NFIB: variants seen among roughly 807,000 people sequenced by gnomAD.
NFIB encodes the protein nuclear factor I B.
Under a neutral mutation model 61.5 loss-of-function variants are expected in NFIB, and 11 were observed. The observed-to-expected ratio is 0.18, with a 90% CI of 0.11 to 0.30. The LOEUF (loss-of-function observed/expected upper bound fraction) is 0.30. Ranked by LOEUF, NFIB falls within the 10% of genes least tolerant of loss-of-function variation. The pLI is 1.00. For missense variants in NFIB, 471 were observed against 608.9 expected, an observed-to-expected ratio of 0.77 and a Z score of 2.38; for synonymous variants, 260 against 216.5, an observed-to-expected ratio of 1.20 and a Z score of -1.76.
At chr9:14,262,082 ACT>A (rs2056811501) in intron 2 of NFIB, among the ~76,000 whole-genome samples, 9 of 151,424 alleles carry the variant, frequency 5.9e-5, no homozygotes, top group Non-Finnish European at 1.0e-4. Flanking sequence ...GTCACTTTTC[ACT>A]TATCTACACA....
intron 2 of NFIB, among the ~76,000 whole-genome samples, chr9:14,242,140 T>C (rs959201126): frequency 6.6e-6 from 1 of 152,214 alleles, no homozygotes; most frequent in Non-Finnish European, 1.5e-5. Flanking sequence ...AGTTTTAAGA[T>C]TCTCTGTAAA....
intron 1 of NFIB, among the ~76,000 whole-genome samples, chr9:14,372,974 C>T (rs1475665015): frequency 4.0e-5 from 6 of 150,408 alleles, no homozygotes; most frequent in Non-Finnish European, 8.8e-5. Flanking sequence ...ATCCCTTATA[C>T]AGGGAACGGT....
intron 1 of NFIB, among the ~76,000 whole-genome samples, chr9:14,345,458 G>A (rs1056583701): frequency 6.6e-6 from 1 of 152,062 alleles, no homozygotes; most frequent in Non-Finnish European, 1.5e-5. Context: ...CTAGGGTACC[G>A]GAGCTTAAAA....
intron 2 of NFIB, among the ~76,000 whole-genome samples, chr9:14,253,682 TA>T (rs947379667): frequency 3.3e-5 from 5 of 151,842 alleles, no homozygotes; most frequent in African/African-American, 1.2e-4. Flanking sequence ...AATTTTTTAA[TA>T]AAAAAAAGAA....
intron 10 of NFIB, among the ~76,000 whole-genome samples, chr9:14,098,030 A>G (rs545371467): frequency 9.8e-4 from 149 of 152,198 alleles, no homozygotes; most frequent in Non-Finnish European, 2.0e-3. Context: ...GTAACTACAG[A>G]ATGAAGTATT....
At chr9:14,521,584 C>G in the NFIB span, among the ~76,000 whole-genome samples, 2 of 151,950 alleles carry the variant, frequency 1.3e-5, no homozygotes, top group Admixed American at 6.6e-5. Context: ...TAGCAGAGAA[C>G]CTGGTACATC....
intron 1 of NFIB, among the ~76,000 whole-genome samples, chr9:14,340,963 T>C (rs2060942650): frequency 6.6e-6 from 1 of 151,342 alleles, no homozygotes; most frequent in Non-Finnish European, 1.5e-5. Flanking sequence ...TTCTTATTTA[T>C]ACGTTAATAC....
the NFIB span, among the ~76,000 whole-genome samples, chr9:14,417,042 G>A: frequency 2.1e-3 from 322 of 151,434 alleles, 11 homozygotes; most frequent in East Asian, 0.05. Flanking sequence ...ACATGTGTGT[G>A]TCACCACACC....
chr9:14,264,978 C>A (rs1366239051), intron 2 of NFIB, among the ~76,000 whole-genome samples: 3 of 152,126 alleles, frequency 2.0e-5, no homozygotes, highest in African/African-American at 7.2e-5. Context: ...TAAGCACATT[C>A]AGTTATTATC....
chr9:14,197,561 C>T (rs1406928800), intron 2 of NFIB, among the ~76,000 whole-genome samples: 1 of 152,188 alleles, frequency 6.6e-6, no homozygotes, highest in Non-Finnish European at 1.5e-5. Context: ...TTCCTTATTA[C>T]TATTTATAAA....
At chr9:14,530,470 G>A in the NFIB span, among the ~76,000 whole-genome samples, 5 of 152,036 alleles carry the variant, frequency 3.3e-5, no homozygotes, top group African/African-American at 1.2e-4. Flanking sequence ...CTTTCTTTCT[G>A]AGAGTACTCA....
At chr9:14,239,955 C>A (rs550504647) in intron 2 of NFIB, among the ~76,000 whole-genome samples, 1 of 152,016 alleles carries the variant, frequency 6.6e-6, no homozygotes, top group Admixed American at 6.6e-5. Context: ...GAAATAAAAT[C>A]ATAAAAAGGA....
chr9:14,300,159 A>C (rs568441075), intron 2 of NFIB: 4 of 398,350 alleles, frequency 1.0e-5, no homozygotes, highest in Non-Finnish European at 1.8e-5. Context: ...AGGTCCCAAG[A>C]ATTTACTTTA....
the NFIB span, among the ~76,000 whole-genome samples, chr9:14,502,083 C>T: frequency 6.6e-6 from 1 of 152,108 alleles, no homozygotes; most frequent in Admixed American, 6.6e-5. Flanking sequence ...ACCCCTGGGG[C>T]CACATAGACT....
rs1218386006 is a variant in NFIB at position 14,116,213 on chromosome 9, G to A, written c.1379C>T (p.Thr460Ile). Residue 460 changes from threonine to isoleucine, a missense_variant, in exon 9 of 11, where the codon ACT becomes ATT. Around this residue, in one of 2 missense-constraint regions of NFIB, gnomAD observed 372 missense variants for 395.6 expected, o/e 0.94. Coordinates refer to ENST00000380953, the MANE Select transcript of NFIB (RefSeq NM_001190737.2). The stretch of plus-strand genomic sequence containing the variant: ...TGTAGGTGAAGCTGCCTCACCTTCA[G>A]TGGATGTAGTGATGGGTTTAGTATC... The part of the protein sequence containing the change: ...MTDTKPITTS[T>I]EAYTASGTSQ... The A allele has an allele frequency of 1.3e-6, 2 of 1,511,708 alleles. No individual in the cohort carries two copies. The highest frequency in any genetic ancestry group is 8.9e-7 in the Non-Finnish European group (1 of 1,124,740). The allele number at this position is 1,511,708 out of a possible 1,614,324, so 93.6% of individuals were successfully genotyped here.
chr9:14,347,642 A>G (rs888766111), intron 1 of NFIB, among the ~76,000 whole-genome samples: 1 of 151,974 alleles, frequency 6.6e-6, no homozygotes, highest in African/African-American at 2.4e-5. Flanking sequence ...TGAAGATCCA[A>G]GTCTCTTCGG....
Position 14,087,268 on chromosome 9 carries a change from A to G in NFIB, c.*1041T>C, listed in dbSNP as rs1026690578. The G allele has an allele frequency of 4.9e-6, 1 of 205,106 alleles. No homozygotes were observed. The highest frequency in any genetic ancestry group is 6.0e-5 in the Admixed American group (1 of 16,748). The allele number at this position is 205,106 out of a possible 1,614,324, so 12.7% of individuals were successfully genotyped here. On this transcript the variant is annotated 3_prime_UTR_variant, in exon 11 of 11. Coordinates refer to ENST00000380953, the MANE Select transcript of NFIB (RefSeq NM_001190737.2). ...CATTAATTTTATTTTTCTCAAGCAC[A>G]TGATTTGTCTTGATTTAATGCCTTT...
intron 2 of NFIB, among the ~76,000 whole-genome samples, chr9:14,186,412 T>C (rs2131508393): frequency 6.6e-6 from 1 of 152,272 alleles, no homozygotes; most frequent in Middle Eastern, 3.4e-3. Flanking sequence ...TCTTTCTTTC[T>C]CTCTAAAACA....
At chr9:14,201,545 T>C (rs577038906) in intron 2 of NFIB, among the ~76,000 whole-genome samples, 146 of 152,342 alleles carry the variant, frequency 9.6e-4, no homozygotes, top group Non-Finnish European at 1.8e-3. Context: ...TCCTGAACCT[T>C]ATTGCCCCAT....
Sources: gnomAD v4.1 joint callset for allele counts (sites outside exome capture counted in the v4.1 genomes callset) on GRCh38, gnomAD v4.1.1 for gene constraint, gnomAD v4.1.1 regional missense constraint, MANE v1.5 for transcripts, NCBI Gene and HGNC (gene_info 2026-07-23, HGNC 2026-07-21) for gene names.